FREM2: variants seen among roughly 807,000 people sequenced by gnomAD.
FREM2 encodes the protein FRAS1 related extracellular matrix 2.
In FREM2, 119 loss-of-function variants were observed where a neutral mutation model predicts 219.9. The ratio of observed to expected loss-of-function variants is 0.54; its 90% CI spans 0.47 to 0.63. The LOEUF (loss-of-function observed/expected upper bound fraction) is 0.63. FREM2 is among the 30% of genes least tolerant of loss of function. The pLI is 0.00. For missense variants in FREM2, 4,030 were observed against 3,993.6 expected, an observed-to-expected ratio of 1.01 and a Z score of -0.25; for synonymous variants, 1,562 against 1,522.8, an observed-to-expected ratio of 1.03 and a Z score of -0.60.
intron 2 of FREM2, among the ~76,000 whole-genome samples, chr13:38,714,184 A>C (rs2496437): frequency 0.52 from 78,405 of 152,212 alleles, 23,260 homozygotes; most frequent in Non-Finnish European, 0.66. Context: ...GTGGCTGGTC[A>C]GTCACATATT....
At position 38,692,026 on chromosome 13, in the gene FREM2, G is replaced by C. The variant is rs761188049; in HGVS notation, c.4682G>C (p.Arg1561Thr). 1.9e-5 allele frequency: 30 copies of C among 1,614,106 alleles called. No homozygotes were observed. Among genetic ancestry groups the C allele is most frequent in the Non-Finnish European group, 2.5e-5 (30 of 1,180,050 alleles). Residue 1561 changes from arginine to threonine, a missense_variant, in exon 1 of 24, where the codon AGA (arginine) becomes ACA (threonine). Coordinates refer to ENST00000280481, the MANE Select transcript of FREM2 (RefSeq NM_207361.6). ...ITPFELTVED[R>T]DTPDKLLKFT... ...CCTTTTGAGCTCACTGTCGAAGACA[G>C]AGATACTCCTGACAAGCTCCTGAAA...
chr13:38,784,409 A>G (rs1874242393), intron 5 of FREM2, 148 bp from the exon 6 acceptor site: 2 of 779,270 alleles, frequency 2.6e-6, no homozygotes, highest in Non-Finnish European at 2.2e-6. Flanking sequence ...TCATGATACT[A>G]GAACAGTACG....
chr13:38,692,929 C>T (rs565484174), intron 1 of FREM2, among the ~76,000 whole-genome samples: 16 of 152,324 alleles, frequency 1.1e-4, no homozygotes, highest in East Asian at 7.7e-4. Context: ...ATTCACATTG[C>T]TGTCATTATC....
chr13:38,856,289 C>T, intron 12 of FREM2, 33 bp downstream of exon 12: 1 of 1,600,434 alleles, frequency 6.2e-7, no homozygotes, highest in Non-Finnish European at 8.6e-7. Flanking sequence ...AAATTCATGG[C>T]TAGCAGTTTG....
rs1235254989 is a variant in FREM2, at chr13:38,851,822, G to A, written c.6879G>A (p.Lys2293=). Residue 2293 remains lysine, a synonymous_variant, in exon 11 of 24, where the codon AAG becomes AAA. Coordinates refer to ENST00000280481, the MANE Select transcript of FREM2 (RefSeq NM_207361.6). ...TTTCCATTGTGAGAGTCCACACCAA[G>A]GATGGCTCGGCCACCTCTGGAGAAG... The part of the protein sequence containing the change: ...SKVSIVRVHT[K]DGSATSGEDY... 6.2e-7 allele frequency: 1 copy of A among 1,613,970 alleles called. No homozygotes were observed. Among genetic ancestry groups the A allele is most frequent in the East Asian group, 2.2e-5 (1 of 44,866 alleles).
In FREM2 at chr13:38,812,606, C is replaced by T. The variant is rs535181101; in HGVS notation, c.6019+27798C>T. Among the ~76,000 whole-genome samples the T allele has an allele frequency of 2.0e-5, 3 of 152,176 alleles. No individual in the cohort carries two copies. The South Asian group carries it at 6.2e-4, about 32-fold the overall frequency. ...AAGAAAAACTACACTTTTGGCTGGGCATGGAGGCTCATACCTGTAATCCCA... is the reference window on the plus strand; with the variant it reads ...AAGAAAAACTACACTTTTGGCTGGGTATGGAGGCTCATACCTGTAATCCCA... On this transcript the variant is annotated intron_variant, in intron 6 of 23. Coordinates refer to ENST00000280481, the MANE Select transcript of FREM2 (RefSeq NM_207361.6).
At chr13:38,711,947 T>G (rs867793287) in intron 2 of FREM2, among the ~76,000 whole-genome samples, 1 of 147,572 alleles carries the variant, frequency 6.8e-6, no homozygotes, top group Middle Eastern at 3.4e-3. Flanking sequence ...TTGAGGGGAT[T>G]CTCGCTCTGT....
At position 38,876,045 on chromosome 13, in the gene FREM2, A is replaced by G. The variant is rs751728761; in HGVS notation, c.8305A>G (p.Met2769Val). The change falls in exon 19 of 24, where the codon ATG becomes GTG. Residue 2769 changes from methionine to valine, a missense_variant. This residue lies in a region of FREM2 where 928 missense variants were observed against 1,042.9 expected (regional missense o/e 0.89). Transcript: ENST00000280481. ...AGCATCCTTTACAAGCTCAGTGATC[A>G]TGTCAGCTGATCATCCAGGCCTGAC... ...HPASFTSSVI[M>V]SADHPGLTFS... The G allele has an allele frequency of 5.0e-6, 8 of 1,614,016 alleles. No homozygotes were observed. The South Asian group carries it at 7.7e-5, about 16-fold the overall frequency.
chr13:38,795,366 G>A (rs1022793108), intron 6 of FREM2, among the ~76,000 whole-genome samples: 1 of 149,610 alleles, frequency 6.7e-6, no homozygotes, highest in South Asian at 2.1e-4. Context: ...TCTGGTAGTG[G>A]GTATACTAGA....
At position 38,839,266 on chromosome 13, in the gene FREM2, G is replaced by A. The variant is rs117456064; in HGVS notation, c.6020-7307G>A. On this transcript the variant is annotated intron_variant, in intron 6 of 23. Transcript: ENST00000280481. ...TTGCTGTGGTTCCCCTCCAGACCCC[G>A]TTTGCCTGGGTATCACCAGCAGAGG... Among the ~76,000 whole-genome samples, 24 of 152,232 alleles carry A rather than the reference G, an allele frequency of 1.6e-4. 1 individual carries two copies. The highest frequency in any genetic ancestry group is 1.0e-3 in the South Asian group (5 of 4,826).
intron 11 of FREM2, among the ~76,000 whole-genome samples, 188 bp from the exon 12 acceptor site, chr13:38,855,937 CA>C (rs775145083): frequency 2.7e-5 from 4 of 150,178 alleles, no homozygotes; most frequent in Admixed American, 6.7e-5. Context: ...AAGTAAAATG[CA>C]TAGAATAAGA....
Position 38,846,671 on chromosome 13 carries a change from T to A in FREM2, c.6118T>A (p.Ser2040Thr). The A allele has an allele frequency of 1.9e-6, 3 of 1,613,886 alleles. No homozygotes were observed. The highest frequency in any genetic ancestry group is 2.5e-6 in the Non-Finnish European group (3 of 1,179,848). ...VWRTGTDLSK[S>T]SSVTVRSRKT... is the part of the protein sequence containing the mutation. ...GAGAACGGGCACTGACCTGTCCAAGTCTTCTAGTGTCACAGTGAGGTCTCG... is the reference window on the plus strand; with the variant it reads ...GAGAACGGGCACTGACCTGTCCAAGACTTCTAGTGTCACAGTGAGGTCTCG... Residue 2040 changes from serine to threonine, a missense_variant, in exon 7 of 24, where the codon TCT becomes ACT. Physicochemically the swap from Ser to Thr is moderately conservative, Grantham distance 58. Around this residue, in one of 2 missense-constraint regions of FREM2, gnomAD observed 3,102 missense variants for 2,950.7 expected, o/e 1.05. Coordinates refer to ENST00000280481, the MANE Select transcript of FREM2 (RefSeq NM_207361.6).
intron 2 of FREM2, among the ~76,000 whole-genome samples, chr13:38,734,937 G>A (rs568217994): frequency 5.3e-4 from 81 of 152,016 alleles, no homozygotes; most frequent in African/African-American, 1.9e-3. Flanking sequence ...TAGTCGAGAT[G>A]GGGTTTCACC....
chr13:38,742,463 TG>T (rs1872286699), intron 2 of FREM2, among the ~76,000 whole-genome samples: 1 of 152,218 alleles, frequency 6.6e-6, no homozygotes, highest in South Asian at 2.1e-4. Flanking sequence ...TATCGATTTT[TG>T]GGTCTTCCAT....
At chr13:38,756,908 A>G (rs1873032421) in intron 2 of FREM2, among the ~76,000 whole-genome samples, 1 of 152,178 alleles carries the variant, frequency 6.6e-6, no homozygotes, top group South Asian at 2.1e-4. Flanking sequence ...AAAATGTGGC[A>G]CTAAAAAAAC....
chr13:38,821,874 A>ACGG (rs1876071908), intron 6 of FREM2: 1 of 152,196 alleles, frequency 6.6e-6, no homozygotes, highest in South Asian at 2.1e-4. Flanking sequence ...CCATGCAGTG[A>ACGG]CGGCTTTCAG....
intron 2 of FREM2, among the ~76,000 whole-genome samples, chr13:38,749,679 C>T (rs1416246221): frequency 6.6e-6 from 1 of 151,978 alleles, no homozygotes; most frequent in Non-Finnish European, 1.5e-5. Flanking sequence ...CCTGCCTTGC[C>T]CTTCACCCCC....
At chr13:38,734,563 G>C (rs1871902107) in intron 2 of FREM2, among the ~76,000 whole-genome samples, 1 of 151,870 alleles carries the variant, frequency 6.6e-6, no homozygotes, top group African/African-American at 2.4e-5. Flanking sequence ...GATTCCATTT[G>C]GGAAATATCT....
At chr13:38,704,808 C>G (rs1288144883) in intron 2 of FREM2, among the ~76,000 whole-genome samples, 2 of 152,158 alleles carry the variant, frequency 1.3e-5, no homozygotes, top group Non-Finnish European at 2.9e-5. Context: ...CTTACAATCA[C>G]AGCAGAAAAT....
Sources: allele counts gnomAD v4.1 joint callset (sites outside exome capture counted in the v4.1 genomes callset), GRCh38; gene constraint gnomAD v4.1.1; regional missense constraint gnomAD v4.1.1; transcripts MANE v1.5; gene names NCBI Gene and HGNC (gene_info 2026-07-23, HGNC 2026-07-21).